Variants in PMPCA observed in about 807,000 individuals in gnomAD.
The protein encoded by PMPCA is mitochondrial-processing peptidase subunit alpha.
A neutral mutation model predicts 59.3 loss-of-function variants in PMPCA; 47 were observed. That is an observed-to-expected ratio of 0.79 (90% CI 0.63 to 1.01). PMPCA has a LOEUF of 1.01. Ranked by LOEUF, PMPCA falls within the 50% of genes least tolerant of loss-of-function variation. PMPCA has a pLI of 0.00. For missense variants in PMPCA, 726 were observed against 704.5 expected (o/e 1.03, Z -0.34); for synonymous variants, 338 against 290.3 (o/e 1.16, Z -1.67).
chr9:136,419,166 C>T (rs374123728), intron 11 of PMPCA, 60 bp downstream of exon 11: 252 of 1,456,000 alleles, frequency 1.7e-4, no homozygotes, highest in Non-Finnish European at 2.4e-4. Context: ...GAGACAGCCA[C>T]GTTGTAGGAG....
At chr9:136,421,259 A>G (rs1266688351) in intron 11 of PMPCA, among the ~76,000 whole-genome samples, 1 of 152,226 alleles carries the variant, frequency 6.6e-6, no homozygotes, top group Admixed American at 6.5e-5. Context: ...GCTGCATGTC[A>G]CACAGACAAT....
rs9548 is a variant in PMPCA at position 136,423,371 on chromosome 9, C to A, written c.*107C>A. Reference sequence around the variant, plus strand: ...CTAAAAAGCTGTCTGGTTGTATAAACGGTGCAAACAATGTCGCCACAGCAC... The same window carrying A: ...CTAAAAAGCTGTCTGGTTGTATAAAAGGTGCAAACAATGTCGCCACAGCAC... On this transcript the variant is annotated 3_prime_UTR_variant, in exon 13 of 13. Transcript: ENST00000371717. 2 of 1,190,582 alleles carry A rather than the reference C, an allele frequency of 1.7e-6. No homozygotes were observed. Among genetic ancestry groups the A allele is most frequent in the South Asian group, 1.5e-5 (1 of 67,672 alleles). The allele number at this position is 1,190,582 out of a possible 1,614,324, so 73.8% of individuals were successfully genotyped here.
In PMPCA at chr9:136,412,825, G is replaced by C. The variant is rs961600848; in HGVS notation, c.370G>C (p.Asp124His). The C allele has an allele frequency of 6.2e-7, 1 of 1,603,316 alleles. No individual in the cohort carries two copies. Among genetic ancestry groups the C allele is most frequent in the South Asian group, 1.1e-5 (1 of 90,812 alleles). The stretch of plus-strand genomic sequence containing the variant: ...TTTTTACTAGTCTACTGCTCGATTT[G>C]ACAGCAAAGATGAAATTCTGCTTAC... ...KLAFSSTARF[D>H]SKDEILLTLE... is the part of the protein sequence containing the mutation. The change falls in exon 4 of 13, where the codon GAC becomes CAC. Residue 124 changes from aspartate to histidine, a missense_variant. Coordinates refer to ENST00000371717, the MANE Select transcript of PMPCA (RefSeq NM_015160.3).
At chr9:136,422,600 C>T (rs1835488842) in intron 12 of PMPCA, 1 of 1,008,660 alleles carries the variant, frequency 9.9e-7, no homozygotes, top group Admixed American at 5.3e-5. Flanking sequence ...CCTCGTCCTT[C>T]CCTCAGGAGC....
At chr9:136,412,660 C>G (rs146733170) in intron 3 of PMPCA, 91 bp downstream of exon 3, 10,621 of 793,200 alleles carry the variant, frequency 0.013, 146 homozygotes, top group Middle Eastern at 0.028. Flanking sequence ...AATAAATTAT[C>G]AAGTTGCTAA....
chr9:136,410,831 C>CTGTA, intron 1 of PMPCA, 92 bp downstream of exon 1: 1 of 1,094,746 alleles, frequency 9.1e-7, no homozygotes, highest in Non-Finnish European at 1.2e-6. Context: ...GGTGACATGG[C>CTGTA]GCCCGTGGGA....
At chr9:136,416,847 G>A (rs1346350565) in intron 6 of PMPCA, 104 bp from the exon 7 acceptor site, 12 of 1,103,984 alleles carry the variant, frequency 1.1e-5, no homozygotes, top group African/African-American at 9.4e-5. Context: ...AGCTTGCGTC[G>A]GATTTTCCCA....
chr9:136,419,789 G>T (rs1390820075), intron 11 of PMPCA: 1 of 153,596 alleles, frequency 6.5e-6, no homozygotes. Context: ...CGCCATGTTG[G>T]CCAGGGTGGT....
chr9:136,414,684 G>T, intron 5 of PMPCA, 37 bp downstream of exon 5: 2 of 1,332,602 alleles, frequency 1.5e-6, no homozygotes, highest in South Asian at 2.3e-5. Flanking sequence ...AGGTGGGCTT[G>T]GACATAGGGA....
intron 11 of PMPCA, 57 bp from the exon 12 acceptor site, chr9:136,421,775 G>T: frequency 6.7e-7 from 1 of 1,482,858 alleles, no homozygotes; most frequent in Non-Finnish European, 9.1e-7. Flanking sequence ...GCTCGAGTGG[G>T]GGGTGGAAGG....
intron 4 of PMPCA, among the ~76,000 whole-genome samples, chr9:136,413,715 G>A (rs1835197399): frequency 6.6e-6 from 1 of 152,028 alleles, no homozygotes; most frequent in Non-Finnish European, 1.5e-5. Context: ...CCTTTCTCTG[G>A]CCAGGTGGCT....
rs368429039 is a variant in PMPCA, at chr9:136,410,835, C to T, written c.71+96C>T. 2.0e-5 allele frequency: 21 copies of T among 1,069,242 alleles called. No homozygotes were observed. The African/African-American group carries it at 2.4e-4, about 12-fold the overall frequency. 66.2% of individuals were successfully genotyped at this position (1,069,242 alleles called of 1,614,324 possible). On this transcript the variant is annotated intron_variant, in intron 1 of 12. Coordinates refer to ENST00000371717, the MANE Select transcript of PMPCA (RefSeq NM_015160.3). ...CGGTTTCTACAGGTGACATGGCGCC[C>T]GTGGGACGGGCTCGCACTTCGGGAC...
chr9:136,418,202 C>G (rs1045337974), intron 8 of PMPCA, 93 bp downstream of exon 8: 43 of 923,300 alleles, frequency 4.7e-5, no homozygotes, highest in Non-Finnish European at 7.6e-5. Flanking sequence ...GACAGCGCTC[C>G]TGATGGGGCG....
intron 1 of PMPCA, 43 bp downstream of exon 1, chr9:136,410,782 G>T: frequency 1.5e-6 from 2 of 1,357,172 alleles, no homozygotes; most frequent in Non-Finnish European, 1.9e-6. Flanking sequence ...GGCGGGGGCG[G>T]CTCGAGTCTT....
In PMPCA at chr9:136,410,745, CCAA is replaced by C; in HGVS notation, c.71+7_71+9del. On this transcript the variant is annotated splice_region_variant and intron_variant, in intron 1 of 12. Coordinates refer to ENST00000371717, the MANE Select transcript of PMPCA (RefSeq NM_015160.3). ...TGGGGCTGTTCGCGGCTGAGGTGAG[CCAA>C]AGGCGAACCAGGCTTCGGCCTGGGG... 7.1e-7 allele frequency: 1 copy of C among 1,406,440 alleles called. No individual in the cohort carries two copies. Among genetic ancestry groups the C allele is most frequent in the Non-Finnish European group, 9.2e-7 (1 of 1,085,490 alleles). 87.1% of individuals were successfully genotyped at this position (1,406,440 alleles called of 1,614,324 possible).
rs763420915 is a variant in PMPCA, at chr9:136,412,861, C to T, written c.406C>T (p.His136Tyr). Residue 136 changes from histidine (H) to tyrosine (Y), a missense_variant, in exon 4 of 13, where the codon CAT becomes TAT. His to Tyr is a moderately conservative substitution (Grantham distance 83, BLOSUM62 2). Coordinates refer to ENST00000371717, the MANE Select transcript of PMPCA (RefSeq NM_015160.3). ...TGAAATTCTGCTTACGTTGGAAAAG[C>T]ATGGGGGTATCTGTGACTGCCAGAC... is the stretch of plus-strand genomic sequence containing the variant. Reference protein sequence around the residue: ...KDEILLTLEKHGGICDCQTSR... With the variant: ...KDEILLTLEKYGGICDCQTSR... 6 of 1,608,460 alleles carry T rather than the reference C, an allele frequency of 3.7e-6. No individual in the cohort carries two copies. The highest frequency in any genetic ancestry group is 1.7e-5 in the Admixed American group (1 of 59,940).
intron 3 of PMPCA, 91 bp downstream of exon 3, chr9:136,412,660 C>T (rs146733170): frequency 2.5e-6 from 2 of 793,140 alleles, no homozygotes; most frequent in Admixed American, 2.3e-5. Flanking sequence ...AATAAATTAT[C>T]AAGTTGCTAA....
chr9:136,419,893 C>T lies in PMPCA; in HGVS notation c.1263+787C>T, dbSNP rs1186358212. The T allele has an allele frequency of 2.0e-5, 3 of 152,044 alleles. No homozygotes were observed. In the South Asian group the frequency reaches 6.2e-4, roughly 32 times the overall value. The allele number at this position is 152,044 out of a possible 1,614,324, so 9.4% of individuals were successfully genotyped here. On this transcript the variant is annotated intron_variant, in intron 11 of 12. Coordinates refer to ENST00000371717, the MANE Select transcript of PMPCA (RefSeq NM_015160.3). ...GTGAGCCACCATGCGTCCCTGTTTA[C>T]TAATTTTTTAAGCTTAGTTTTTGAT... is the stretch of plus-strand genomic sequence containing the variant.
intron 3 of PMPCA, 88 bp downstream of exon 3, chr9:136,412,657 T>C: frequency 1.2e-6 from 1 of 800,334 alleles, no homozygotes; most frequent in South Asian, 1.5e-5. Flanking sequence ...TTTAATAAAT[T>C]ATCAAGTTGC....
Sources: gnomAD v4.1 joint callset for allele counts (sites outside exome capture counted in the v4.1 genomes callset) on GRCh38, gnomAD v4.1.1 for gene constraint, MANE v1.5 for transcripts, NCBI Gene and HGNC (gene_info 2026-07-23, HGNC 2026-07-21) for gene names.